The following SOX5 variants were observed in gnomAD, a reference collection of about 807,000 sequenced individuals.
The protein encoded by SOX5 is SRY-box transcription factor 5, also known as transcription factor SOX-5.
A neutral mutation model predicts 92.0 loss-of-function variants in SOX5; 9 were observed. The ratio of observed to expected loss-of-function variants is 0.10; its 90% CI spans 0.06 to 0.17. The LOEUF (loss-of-function observed/expected upper bound fraction) is 0.17. Among genes scored for constraint, SOX5 ranks in the 10% least tolerant of loss-of-function variants. The pLI is 1.00. For missense variants in SOX5, 642 were observed against 944.5 expected (o/e 0.68, Z 4.20); for synonymous variants, 344 against 336.3 (o/e 1.02, Z -0.25).
At chr12:24,559,975 A>G (rs1331461805) in intron 1 of SOX5, among the ~76,000 whole-genome samples, 1 of 152,214 alleles carries the variant, frequency 6.6e-6, no homozygotes, top group Non-Finnish European at 1.5e-5. Flanking sequence ...TTTAAGCTCA[A>G]CAACAAAACT....
chr12:24,342,204 C>A (rs1952657305), intron 2 of SOX5, among the ~76,000 whole-genome samples: 1 of 152,204 alleles, frequency 6.6e-6, no homozygotes, highest in African/African-American at 2.4e-5. Flanking sequence ...CTCTGTCTGA[C>A]TCCATAATAC....
At chr12:23,882,322 GA>G (rs1196448351) in intron 2 of SOX5, among the ~76,000 whole-genome samples, 9 of 150,724 alleles carry the variant, frequency 6.0e-5, no homozygotes, top group African/African-American at 1.9e-4. Context: ...ATCCCTGAAT[GA>G]AAAGGAATTT....
intron 4 of SOX5, among the ~76,000 whole-genome samples, chr12:24,115,420 C>T (rs928063945): frequency 3.9e-5 from 6 of 152,218 alleles, no homozygotes; most frequent in African/African-American, 1.4e-4. Flanking sequence ...AATTTTTGTT[C>T]CTTGCAAAGT....
chr12:24,456,070 A>G (rs1401665062), intron 1 of SOX5, among the ~76,000 whole-genome samples: 2 of 152,184 alleles, frequency 1.3e-5, no homozygotes, highest in Non-Finnish European at 2.9e-5. Flanking sequence ...TCCTGAGAGC[A>G]CTTGCAATCT....
At chr12:23,868,672 A>G (rs1281111468) in intron 2 of SOX5, among the ~76,000 whole-genome samples, 1 of 151,994 alleles carries the variant, frequency 6.6e-6, no homozygotes, top group Non-Finnish European at 1.5e-5. Context: ...TCTTGGAGGG[A>G]TTTTCTTAAA....
At chr12:24,344,421 G>A (rs759468963) in intron 2 of SOX5, among the ~76,000 whole-genome samples, 8 of 152,046 alleles carry the variant, frequency 5.3e-5, no homozygotes, top group Non-Finnish European at 1.0e-4. Context: ...TGACACAGAT[G>A]GGAACAACGT....
chr12:23,558,449 G>A (rs1032441526), intron 11 of SOX5, among the ~76,000 whole-genome samples: 2 of 152,068 alleles, frequency 1.3e-5, no homozygotes, highest in Admixed American at 6.6e-5. Context: ...GCCTGCCTTC[G>A]TGGGGATGGG....
At chr12:23,802,646 A>G (rs944530720) in intron 3 of SOX5, among the ~76,000 whole-genome samples, 1 of 152,096 alleles carries the variant, frequency 6.6e-6, no homozygotes, top group East Asian at 1.9e-4. Context: ...CTTAACCTTT[A>G]TATCTCCCCA....
chr12:23,962,801 T>G (rs912802826), intron 4 of SOX5, among the ~76,000 whole-genome samples: 9 of 152,222 alleles, frequency 5.9e-5, no homozygotes, highest in African/African-American at 2.2e-4. Flanking sequence ...ATATTCCATT[T>G]ACATCTCTTT....
At chr12:24,490,236 G>A (rs1946918002) in intron 1 of SOX5, among the ~76,000 whole-genome samples, 1 of 152,174 alleles carries the variant, frequency 6.6e-6, no homozygotes. Context: ...AAGTATCCAT[G>A]GCACCTAGAA....
At chr12:24,194,244 G>A (rs1956791974) in intron 4 of SOX5, among the ~76,000 whole-genome samples, 1 of 152,080 alleles carries the variant, frequency 6.6e-6, no homozygotes. Flanking sequence ...TTTTGTAAAG[G>A]GCACTGTATC....
chr12:24,334,477 T>C (rs1951673126), intron 2 of SOX5, among the ~76,000 whole-genome samples: 1 of 152,116 alleles, frequency 6.6e-6, no homozygotes, highest in African/African-American at 2.4e-5. Flanking sequence ...CAAAGAAGTT[T>C]AGAATTAAAA....
intron 3 of SOX5, among the ~76,000 whole-genome samples, chr12:23,838,760 G>A (rs1283204746): frequency 6.9e-6 from 1 of 145,714 alleles, no homozygotes; most frequent in East Asian, 2.0e-4. Context: ...CTATGGACGC[G>A]CTATTGCTCT....
intron 6 of SOX5, among the ~76,000 whole-genome samples, chr12:23,682,584 T>C (rs912876548): frequency 1.3e-5 from 2 of 151,808 alleles, no homozygotes; most frequent in African/African-American, 4.8e-5. Flanking sequence ...AGTTTGAAGA[T>C]TGCACTATTG....
chr12:24,427,955 T>C (rs926703692), intron 1 of SOX5, among the ~76,000 whole-genome samples: 5 of 152,202 alleles, frequency 3.3e-5, no homozygotes, highest in African/African-American at 1.2e-4. Context: ...AGGGCTTTTG[T>C]TGCTGACTGT....
At chr12:23,587,985 T>G (rs940958450) in intron 9 of SOX5, among the ~76,000 whole-genome samples, 3 of 152,070 alleles carry the variant, frequency 2.0e-5, no homozygotes, top group African/African-American at 7.2e-5. Context: ...AAATCTCCTT[T>G]ATTTTAATGA....
chr12:24,318,626 T>C (rs1247682992), intron 2 of SOX5, among the ~76,000 whole-genome samples: 1 of 152,178 alleles, frequency 6.6e-6, no homozygotes, highest in African/African-American at 2.4e-5. Flanking sequence ...TCTTTACAAT[T>C]ATATATTTAA....
At chr12:23,636,943 C>T (rs1189395772) in intron 8 of SOX5, among the ~76,000 whole-genome samples, 2 of 152,122 alleles carry the variant, frequency 1.3e-5, no homozygotes, top group African/African-American at 2.4e-5. Context: ...TAATACATAA[C>T]ACAAAACGTA....
intron 1 of SOX5, among the ~76,000 whole-genome samples, chr12:24,535,599 T>C (rs1207137967): frequency 1.3e-5 from 2 of 152,224 alleles, no homozygotes; most frequent in African/African-American, 2.4e-5. Context: ...TAACAGACTC[T>C]TAAGGTTGAA....
Sources: gnomAD v4.1 joint callset for allele counts (sites outside exome capture counted in the v4.1 genomes callset) on GRCh38, gnomAD v4.1.1 for gene constraint, MANE v1.5 for transcripts, NCBI Gene and HGNC (gene_info 2026-07-23, HGNC 2026-07-21) for gene names.